Variants in CREB5 observed in about 807,000 individuals in gnomAD.
The protein encoded by CREB5 is cyclic AMP-responsive element-binding protein 5.
CREB5 carries 19 observed loss-of-function variants against 57.1 expected under a neutral mutation model. That is an observed-to-expected ratio of 0.33 (90% CI 0.23 to 0.49). The LOEUF (loss-of-function observed/expected upper bound fraction) is 0.49. CREB5 is among the 20% of genes least tolerant of loss of function. The probability of loss-of-function intolerance (pLI) is 0.99; values close to 1 mark genes in which losing one functional copy is unlikely to be tolerated. For synonymous variants in CREB5, 238 were observed against 238.3 expected, an observed-to-expected ratio of 1.00 and a Z score of 0.01; for missense variants, 579 against 671.6, an observed-to-expected ratio of 0.86 and a Z score of 1.52.
At chr7:28,452,248 C>T (rs1310100303) in intron 1 of CREB5, among the ~76,000 whole-genome samples, 2 of 151,978 alleles carry the variant, frequency 1.3e-5, no homozygotes, top group African/African-American at 2.4e-5. Context: ...TTATAATAAA[C>T]CATTATAAGT....
At chr7:28,763,621 A>G (rs1161264586) in intron 7 of CREB5, among the ~76,000 whole-genome samples, 1 of 152,144 alleles carries the variant, frequency 6.6e-6, no homozygotes, top group East Asian at 1.9e-4. Flanking sequence ...AGACCTGAAC[A>G]TAAGAAGGGC....
chr7:28,611,817 G>A (rs1192544516), intron 5 of CREB5, among the ~76,000 whole-genome samples: 1 of 152,088 alleles, frequency 6.6e-6, no homozygotes, highest in Non-Finnish European at 1.5e-5. Flanking sequence ...GGTTGCAGTG[G>A]TTGTTACATG....
chr7:28,475,281 T>C (rs1791022725), intron 1 of CREB5, among the ~76,000 whole-genome samples: 1 of 51,474 alleles, frequency 1.9e-5, no homozygotes, highest in South Asian at 7.2e-4. Context: ...TTTTTTTTTT[T>C]TTTTTTAGGC....
chr7:28,446,592 G>A (rs902674394), intron 1 of CREB5, among the ~76,000 whole-genome samples: 1 of 152,018 alleles, frequency 6.6e-6, no homozygotes, highest in Non-Finnish European at 1.5e-5. Flanking sequence ...GGAGATCAAG[G>A]CCATCCTAGC....
At chr7:28,345,027 C>A (rs1326148702) in intron 1 of CREB5, among the ~76,000 whole-genome samples, 1 of 152,118 alleles carries the variant, frequency 6.6e-6, no homozygotes, top group African/African-American at 2.4e-5. Context: ...TATTAATGGA[C>A]AAGAAGGGAG....
At chr7:28,366,617 A>G (rs1170617197) in intron 1 of CREB5, among the ~76,000 whole-genome samples, 6 of 152,212 alleles carry the variant, frequency 3.9e-5, no homozygotes, top group Non-Finnish European at 8.8e-5. Context: ...AATCAGAGTA[A>G]TTTATCACAA....
chr7:28,393,809 T>C (rs1787277770), intron 1 of CREB5, among the ~76,000 whole-genome samples: 1 of 152,146 alleles, frequency 6.6e-6, no homozygotes, highest in South Asian at 2.1e-4. Context: ...GCGCGGTGGC[T>C]CACGCCTGTA....
At chr7:28,369,260 AGGAGCATG>A in intron 1 of CREB5, among the ~76,000 whole-genome samples, 2 of 152,364 alleles carry the variant, frequency 1.3e-5, no homozygotes, top group Admixed American at 1.3e-4. Context: ...ATTTAAGCAC[AGGAGCATG>A]GCCAGTGGTA....
chr7:28,353,214 C>G (rs934977449), intron 1 of CREB5, among the ~76,000 whole-genome samples: 3 of 152,170 alleles, frequency 2.0e-5, no homozygotes, highest in Admixed American at 6.5e-5. Flanking sequence ...CTCAGCCTCC[C>G]GAATAGCTGG....
chr7:28,689,329 G>A (rs1417748863), intron 5 of CREB5, among the ~76,000 whole-genome samples: 1 of 152,106 alleles, frequency 6.6e-6, no homozygotes, highest in African/African-American at 2.4e-5. Context: ...TTAGCCAGGA[G>A]TGATGGCGGA....
intron 1 of CREB5, among the ~76,000 whole-genome samples, chr7:28,475,779 A>G (rs2128585988): frequency 6.6e-6 from 1 of 152,142 alleles, no homozygotes; most frequent in Middle Eastern, 3.4e-3. Flanking sequence ...CCAGGCACAT[A>G]TGGGGACGTG....
At chr7:28,391,494 A>T (rs151313478) in intron 1 of CREB5, among the ~76,000 whole-genome samples, 1 of 152,352 alleles carries the variant, frequency 6.6e-6, no homozygotes, top group East Asian at 1.9e-4. Flanking sequence ...CATGCTTTCC[A>T]ATATAATTAC....
chr7:28,745,810 C>T lies in CREB5; in HGVS notation c.702+21478C>T, dbSNP rs150859459. On this transcript the variant is annotated intron_variant, in intron 7 of 10. Transcript: ENST00000357727. ...AATGCTGTTTTCTTTCCAGAAGTGG[C>T]GTGGTTAGTGAGGCAGTGAATGTTG... is the stretch of plus-strand genomic sequence containing the variant. Among the ~76,000 whole-genome samples the T allele has an allele frequency of 1.7e-4, 26 of 152,284 alleles. No individual in the cohort carries two copies. The East Asian group carries it at 4.4e-3, about 26-fold the overall frequency.
chr7:28,584,759 C>T (rs773096110), intron 5 of CREB5, among the ~76,000 whole-genome samples: 29 of 150,618 alleles, frequency 1.9e-4, no homozygotes, highest in Non-Finnish European at 3.8e-4. Context: ...GATCTATCTG[C>T]TTTGCCAACG....
chr7:28,802,104 A>AG (rs1263943168), intron 7 of CREB5, among the ~76,000 whole-genome samples: 1 of 150,572 alleles, frequency 6.6e-6, no homozygotes, highest in Non-Finnish European at 1.5e-5. Context: ...AAAAAAAAAA[A>AG]AGGAGGAAAC....
intron 7 of CREB5, among the ~76,000 whole-genome samples, chr7:28,786,103 G>A (rs942218988): frequency 3.9e-5 from 6 of 152,158 alleles, no homozygotes; most frequent in Non-Finnish European, 1.5e-5. Context: ...CTTGTACTCA[G>A]TTTCATGGCT....
intron 5 of CREB5, among the ~76,000 whole-genome samples, chr7:28,692,805 A>C (rs766661246): frequency 4.5e-4 from 68 of 152,318 alleles, no homozygotes; most frequent in Middle Eastern, 3.4e-3. Context: ...TTTAAGAGGC[A>C]TGCATTTCAT....
intron 1 of CREB5, among the ~76,000 whole-genome samples, chr7:28,413,719 A>G (rs1787907459): frequency 1.3e-5 from 2 of 152,146 alleles, no homozygotes; most frequent in South Asian, 2.1e-4. Flanking sequence ...CCATGCCCTT[A>G]TTTCTAGATC....
chr7:28,479,357 A>G (rs1488520731), intron 1 of CREB5, among the ~76,000 whole-genome samples: 1 of 152,132 alleles, frequency 6.6e-6, no homozygotes, highest in Non-Finnish European at 1.5e-5. Flanking sequence ...AGCAGACAAT[A>G]ATTGGTTTCA....
Sources: gnomAD v4.1 joint callset for allele counts (sites outside exome capture counted in the v4.1 genomes callset) on GRCh38, gnomAD v4.1.1 for gene constraint, MANE v1.5 for transcripts, NCBI Gene and HGNC (gene_info 2026-07-23, HGNC 2026-07-21) for gene names.